The following ABCA12 variants were observed in gnomAD, a reference collection of about 807,000 sequenced individuals.
ABCA12 encodes the protein ATP binding cassette subfamily A member 12, also known as glucosylceramide transporter ABCA12.
A neutral mutation model predicts 293.5 loss-of-function variants in ABCA12; 156 were observed. The observed-to-expected ratio is 0.53, with a 90% confidence interval of 0.47 to 0.61. The LOEUF (loss-of-function observed/expected upper bound fraction) is 0.61. Ranked by LOEUF, ABCA12 falls within the 20% of genes least tolerant of loss-of-function variation. ABCA12 has a pLI of 0.00. For synonymous variants in ABCA12, 1,063 were observed against 1,108.0 expected, an observed-to-expected ratio of 0.96 and a Z score of 0.81; for missense variants, 2,797 against 3,090.2, an observed-to-expected ratio of 0.91 and a Z score of 2.25.
intron 46 of ABCA12, 44 bp downstream of exon 46, chr2:214,948,990 CTCATTT>C (rs780468174): frequency 6.9e-7 from 1 of 1,455,822 alleles, no homozygotes; most frequent in South Asian, 1.1e-5. Flanking sequence ...AATTATTTTT[CTCATTT>C]AAGTATGTTG....
chr2:215,007,973 C>T, intron 18 of ABCA12, 127 bp from the exon 19 acceptor site: 2 of 1,226,278 alleles, frequency 1.6e-6, no homozygotes, highest in Non-Finnish European at 2.3e-6. Flanking sequence ...TTAGTACAAA[C>T]AATTGTCAGA....
intron 7 of ABCA12, among the ~76,000 whole-genome samples, chr2:215,037,326 G>A (rs1010058977): frequency 6.6e-6 from 1 of 152,058 alleles, no homozygotes; most frequent in African/African-American, 2.4e-5. Context: ...ATGGAGCAAG[G>A]TTCCCATCAA....
At chr2:215,090,910 A>T (rs1272505136) in intron 2 of ABCA12, among the ~76,000 whole-genome samples, 1 of 152,114 alleles carries the variant, frequency 6.6e-6, no homozygotes, top group Non-Finnish European at 1.5e-5. Flanking sequence ...CTAAAACCTA[A>T]GCATCTTATT....
intron 33 of ABCA12, among the ~76,000 whole-genome samples, chr2:214,976,672 A>G (rs1244099245): frequency 6.6e-6 from 1 of 152,130 alleles, no homozygotes; most frequent in Admixed American, 6.5e-5. Flanking sequence ...ATGGCCTTTC[A>G]AAACTCCATT....
At chr2:215,016,232 G>A (rs2106008368) in intron 14 of ABCA12, among the ~76,000 whole-genome samples, 1 of 151,956 alleles carries the variant, frequency 6.6e-6, no homozygotes, top group South Asian at 2.1e-4. Context: ...CTGGGTGAAT[G>A]ATGATACCAA....
In ABCA12 at chr2:215,041,549, C is replaced by G. The variant is rs1240938832; in HGVS notation, c.872+4288G>C. Among the ~76,000 whole-genome samples the G allele has an allele frequency of 1.7e-5, 2 of 120,072 alleles. 1 individual carries two copies. The highest frequency in any genetic ancestry group is 1.0e-4 in the African/African-American group (2 of 19,430). 78.8% of individuals were successfully genotyped at this position (120,072 alleles called of 152,430 possible). A position where few individuals can be genotyped will look rare whatever the true frequency, so the allele number is the denominator to read the frequency against. On this transcript the variant is annotated intron_variant, in intron 7 of 52. Transcript: ENST00000272895. ...CCTGGGCGACAGAGCGAGACTCCAT[C>G]TCAAAAAAAAAAAAAAAAAGGAATA...
chr2:215,028,553 AGCCTCCTTATAGATAGTTAAT>A (rs896916143), intron 9 of ABCA12, among the ~76,000 whole-genome samples: 14 of 152,216 alleles, frequency 9.2e-5, no homozygotes, highest in African/African-American at 3.4e-4. Context: ...TATTTATCAA[AGCCTCCTTATAGATAGTTAAT>A]GCCATTGATC....
intron 6 of ABCA12, among the ~76,000 whole-genome samples, chr2:215,048,948 A>G (rs946260613): frequency 2.6e-5 from 4 of 152,152 alleles, no homozygotes; most frequent in African/African-American, 9.7e-5. Flanking sequence ...TGGGAGCTAC[A>G]TGACGAGAAC....
chr2:214,950,038 G>A (rs769407805), intron 45 of ABCA12, among the ~76,000 whole-genome samples: 8 of 151,932 alleles, frequency 5.3e-5, no homozygotes, highest in Admixed American at 1.3e-4. Context: ...TATATTCAGG[G>A]GGAAAAAATC....
chr2:215,137,791 C>T (rs576445403), intron 1 of ABCA12, among the ~76,000 whole-genome samples: 1 of 152,280 alleles, frequency 6.6e-6, no homozygotes, highest in Non-Finnish European at 1.5e-5. Context: ...TTTCTTTCCT[C>T]TATCCCATTT....
intron 2 of ABCA12, among the ~76,000 whole-genome samples, chr2:215,095,309 A>C (rs1407675820): frequency 6.6e-6 from 1 of 152,164 alleles, no homozygotes; most frequent in African/African-American, 2.4e-5. Flanking sequence ...CTCTAATTGG[A>C]TGTCCTGGGT....
chr2:215,111,049 G>A (rs910424565), intron 2 of ABCA12, among the ~76,000 whole-genome samples: 2 of 152,242 alleles, frequency 1.3e-5, no homozygotes, highest in Non-Finnish European at 2.9e-5. Context: ...ATAACGGAGT[G>A]TCGGGCATTC....
At chr2:215,137,909 G>A (rs979912554) in intron 1 of ABCA12, among the ~76,000 whole-genome samples, 2 of 151,828 alleles carry the variant, frequency 1.3e-5, no homozygotes, top group African/African-American at 2.4e-5. Context: ...CCCAGGGCAT[G>A]TCCTGGTTTA....
intron 5 of ABCA12, among the ~76,000 whole-genome samples, chr2:215,051,684 G>GAA (rs1701324662): frequency 7.1e-6 from 1 of 141,372 alleles, no homozygotes; most frequent in African/African-American, 2.6e-5. Context: ...AAGGTGAGTG[G>GAA]GAGAGAGAGA....
chr2:214,955,527 A>G (rs572494043), intron 42 of ABCA12, among the ~76,000 whole-genome samples, 166 bp from the exon 43 acceptor site: 1 of 152,276 alleles, frequency 6.6e-6, no homozygotes, highest in South Asian at 2.1e-4. Flanking sequence ...ACAGAAAAAT[A>G]TGAAAATCAG....
intron 2 of ABCA12, among the ~76,000 whole-genome samples, chr2:215,100,954 C>G (rs992482565): frequency 3.9e-5 from 6 of 152,190 alleles, no homozygotes; most frequent in African/African-American, 9.7e-5. Context: ...TGGAAAAGCA[C>G]CAGTTCAGGA....
intron 2 of ABCA12, among the ~76,000 whole-genome samples, chr2:215,099,970 G>A (rs1702321911): frequency 6.6e-6 from 1 of 150,500 alleles, no homozygotes; most frequent in African/African-American, 2.4e-5. Context: ...TCCTAGTCTA[G>A]TATTCAAAAC....
chr2:215,016,544 C>G (rs1392882418), intron 14 of ABCA12, among the ~76,000 whole-genome samples: 1 of 119,826 alleles, frequency 8.3e-6, no homozygotes, highest in African/African-American at 3.2e-5. Context: ...GATTGTACCA[C>G]TGCACTCCAG....
intron 1 of ABCA12, among the ~76,000 whole-genome samples, chr2:215,127,915 G>A (rs1050048647): frequency 6.6e-6 from 1 of 152,124 alleles, no homozygotes; most frequent in Non-Finnish European, 1.5e-5. Flanking sequence ...ATTCTTTAAA[G>A]AGGTTCTGTT....
Sources: gnomAD v4.1 joint callset for allele counts (sites outside exome capture counted in the v4.1 genomes callset) on GRCh38, gnomAD v4.1.1 for gene constraint, MANE v1.5 for transcripts, NCBI Gene and HGNC (gene_info 2026-07-23, HGNC 2026-07-21) for gene names.